The following VPS54 variants were observed in gnomAD, a reference collection of about 807,000 sequenced individuals.
VPS54 encodes vacuolar protein sorting-associated protein 54.
In VPS54, 45 loss-of-function variants were observed where a neutral mutation model predicts 121.5. The observed-to-expected ratio is 0.37, with a 90% CI of 0.29 to 0.47. The LOEUF is 0.47. Among genes scored for constraint, VPS54 ranks in the 20% least tolerant of loss-of-function variants. The probability of loss-of-function intolerance (pLI) is 0.99; values close to 1 mark genes in which losing one functional copy is unlikely to be tolerated. For synonymous variants in VPS54, 371 were observed against 385.8 expected, an observed-to-expected ratio of 0.96 and a Z score of 0.45; for missense variants, 1,090 against 1,131.4, an observed-to-expected ratio of 0.96 and a Z score of 0.52.
chr2:63,924,601 T>C (rs1439704983), intron 12 of VPS54, among the ~76,000 whole-genome samples: 1 of 152,136 alleles, frequency 6.6e-6, no homozygotes, highest in African/African-American at 2.4e-5. Context: ...GGAGGATCAC[T>C]TGAGGCCAGG....
chr2:63,995,985 G>A (rs1677566197), intron 1 of VPS54, among the ~76,000 whole-genome samples: 8 of 152,194 alleles, frequency 5.3e-5, no homozygotes, highest in African/African-American at 1.7e-4. Context: ...TCTATTGGGG[G>A]CTCCACTGTA....
At chr2:63,916,465 T>C (rs1673384285) in intron 16 of VPS54, among the ~76,000 whole-genome samples, 1 of 152,144 alleles carries the variant, frequency 6.6e-6, no homozygotes. Context: ...CATGAATTAC[T>C]TAATTTTCGC....
At chr2:63,992,386 T>G (rs932222156) in intron 1 of VPS54, among the ~76,000 whole-genome samples, 1 of 152,212 alleles carries the variant, frequency 6.6e-6, no homozygotes, top group Non-Finnish European at 1.5e-5. Flanking sequence ...ATGGAAAACA[T>G]GCGGTATGTT....
At chr2:63,992,176 T>C (rs1339929532) in intron 1 of VPS54, among the ~76,000 whole-genome samples, 4 of 152,164 alleles carry the variant, frequency 2.6e-5, no homozygotes, top group Non-Finnish European at 4.4e-5. Flanking sequence ...CTACTTAATA[T>C]TGTTTTAAAC....
rs141630491 is a variant in VPS54 at position 63,976,364 on chromosome 2, AC to A, written c.379-4121del. Among the ~76,000 whole-genome samples, 100 of 150,338 alleles carry A rather than the reference AC, an allele frequency of 6.7e-4. 3 individuals are homozygous for A. The highest frequency in any genetic ancestry group is 5.8e-4 in the Non-Finnish European group (39 of 67,320). On this transcript the variant is annotated intron_variant, in intron 3 of 22. Coordinates refer to ENST00000272322, the MANE Select transcript of VPS54 (RefSeq NM_016516.3). ...TGACCTTGTCTCAAAAAAAAAAAAAACAAAAAACAAAAAAACACACAAGAGG... is the reference window on the plus strand; with the variant it reads ...TGACCTTGTCTCAAAAAAAAAAAAAAAAAAAACAAAAAAACACACAAGAGG...
At position 64,019,234 on chromosome 2, in the gene VPS54, C is replaced by A. The variant is rs1240783674; in HGVS notation, c.-317G>T. ...TTCCCCCGGGTCCGCAGCGCCGCCT[C>A]CGCCGCTGCTGCCACCGCCTCTCCC... On this transcript the variant is annotated 5_prime_UTR_variant, in exon 1 of 23. Coordinates refer to ENST00000272322, the MANE Select transcript of VPS54 (RefSeq NM_016516.3). Among the ~76,000 whole-genome samples the A allele has an allele frequency of 1.3e-5, 2 of 150,372 alleles. No individual in the cohort carries two copies. The highest frequency in any genetic ancestry group is 1.5e-5 in the Non-Finnish European group (1 of 67,252).
chr2:63,916,867 G>C, intron 16 of VPS54, 33 bp downstream of exon 16: 1 of 1,604,494 alleles, frequency 6.2e-7, no homozygotes, highest in East Asian at 2.2e-5. Context: ...TTAAATAGTT[G>C]ACTCAACTAC....
At chr2:63,935,497 T>G (rs138339143) in intron 11 of VPS54, among the ~76,000 whole-genome samples, 6 of 152,294 alleles carry the variant, frequency 3.9e-5, no homozygotes, top group African/African-American at 1.4e-4. Flanking sequence ...GTTTTGCGTC[T>G]TTTTCCTTAT....
chr2:63,937,119 A>C (rs1674490475), intron 11 of VPS54, among the ~76,000 whole-genome samples: 2 of 152,192 alleles, frequency 1.3e-5, no homozygotes, highest in South Asian at 4.1e-4. Flanking sequence ...AATGAAAAAC[A>C]TAGGTGACAA....
chr2:63,895,809 CAGTG>C (rs1425841410), intron 22 of VPS54, among the ~76,000 whole-genome samples: 1 of 152,140 alleles, frequency 6.6e-6, no homozygotes, highest in Non-Finnish European at 1.5e-5. Flanking sequence ...TAGCATGTGA[CAGTG>C]AGGATTCTCT....
intron 20 of VPS54, among the ~76,000 whole-genome samples, chr2:63,907,241 G>A (rs781327124): frequency 2.6e-5 from 4 of 152,056 alleles, no homozygotes; most frequent in African/African-American, 4.8e-5. Flanking sequence ...TTTCTTGGCC[G>A]GACGCAGTGG....
chr2:64,014,051 C>T (rs890141538), intron 1 of VPS54, among the ~76,000 whole-genome samples: 3 of 148,276 alleles, frequency 2.0e-5, no homozygotes, highest in African/African-American at 7.3e-5. Flanking sequence ...ATTTGCTGGG[C>T]GTAGTGACAC....
At chr2:63,948,249 G>C (rs979468575) in intron 8 of VPS54, among the ~76,000 whole-genome samples, 5 of 148,740 alleles carry the variant, frequency 3.4e-5, no homozygotes, top group African/African-American at 9.8e-5. Context: ...GGGTTTCTGG[G>C]ATTTTTTACT....
chr2:63,935,303 C>T (rs1261701814), intron 11 of VPS54, among the ~76,000 whole-genome samples: 1 of 152,138 alleles, frequency 6.6e-6, no homozygotes, highest in Admixed American at 6.6e-5. Flanking sequence ...ATAGCCCATA[C>T]AGTATACCGA....
intron 9 of VPS54, among the ~76,000 whole-genome samples, chr2:63,946,910 GAACA>G (rs1446032160): frequency 1.3e-5 from 2 of 151,910 alleles, no homozygotes; most frequent in African/African-American, 2.4e-5. Flanking sequence ...ATCAGTCTAA[GAACA>G]AACATTCTTA....
intron 1 of VPS54, among the ~76,000 whole-genome samples, chr2:63,999,777 ATTC>A (rs1677783375): frequency 6.6e-6 from 1 of 151,902 alleles, no homozygotes; most frequent in Non-Finnish European, 1.5e-5. Flanking sequence ...GCTTATTTTT[ATTC>A]TTTTTTCTTT....
intron 12 of VPS54, among the ~76,000 whole-genome samples, chr2:63,923,665 T>G (rs989410483): frequency 6.6e-6 from 1 of 152,222 alleles, no homozygotes; most frequent in African/African-American, 2.4e-5. Flanking sequence ...GGATGAAACT[T>G]GAGGACATTA....
intron 9 of VPS54, among the ~76,000 whole-genome samples, chr2:63,945,308 C>T (rs777366294): frequency 7.9e-5 from 12 of 152,302 alleles, no homozygotes; most frequent in East Asian, 1.9e-4. Flanking sequence ...CCAAATACTG[C>T]ATGTTCTCAC....
chr2:63,916,349 G>A (rs1673378071), intron 16 of VPS54, among the ~76,000 whole-genome samples: 1 of 152,116 alleles, frequency 6.6e-6, no homozygotes, highest in Admixed American at 6.5e-5. Context: ...ACTTGAATTT[G>A]AGATACTTTT....
Sources: gnomAD v4.1 joint callset for allele counts (sites outside exome capture counted in the v4.1 genomes callset) on GRCh38, gnomAD v4.1.1 for gene constraint, MANE v1.5 for transcripts, NCBI Gene and HGNC (gene_info 2026-07-23, HGNC 2026-07-21) for gene names.